NF1: variants seen among roughly 807,000 people sequenced by gnomAD.
The protein encoded by NF1 is neurofibromin.
Under a neutral mutation model 325.7 loss-of-function variants are expected in NF1, and 122 were observed. That is an observed-to-expected ratio of 0.37 (90% CI 0.32 to 0.44). NF1 has a LOEUF of 0.44. Among genes scored for constraint, NF1 ranks in the 20% least tolerant of loss-of-function variants. The pLI, the probability that NF1 is intolerant of heterozygous loss-of-function variation, is 1.00. For synonymous variants in NF1, 1,091 were observed against 1,186.0 expected, an observed-to-expected ratio of 0.92 and a Z score of 1.65; for missense variants, 2,140 against 3,415.4, an observed-to-expected ratio of 0.63 and a Z score of 9.31.
chr17:31,302,875 G>A (rs2068608311), intron 36 of NF1, among the ~76,000 whole-genome samples: 1 of 151,978 alleles, frequency 6.6e-6, no homozygotes, highest in South Asian at 2.1e-4. Context: ...AAGAATACAT[G>A]AAAGAAAATT....
At chr17:31,225,389 T>G (rs1362025997) in intron 17 of NF1, 139 bp downstream of exon 17, 20 of 951,022 alleles carry the variant, frequency 2.1e-5, no homozygotes, top group Admixed American at 2.1e-5. Flanking sequence ...CTGCTCTTTG[T>G]GGAACTTTGG....
intron 36 of NF1, among the ~76,000 whole-genome samples, chr17:31,284,168 C>G (rs1486008359): frequency 1.3e-5 from 2 of 152,216 alleles, no homozygotes; most frequent in Non-Finnish European, 2.9e-5. Flanking sequence ...GTGGCATGAT[C>G]TCTGCTCACT....
chr17:31,346,859 A>C (rs1183020321), intron 48 of NF1, among the ~76,000 whole-genome samples: 1 of 103,264 alleles, frequency 9.7e-6, no homozygotes, highest in Non-Finnish European at 1.9e-5. Context: ...TTTCACTCTT[A>C]GGCTTTTAAA....
intron 36 of NF1, chr17:31,318,667 CT>C: frequency 6.2e-7 from 1 of 1,614,070 alleles, no homozygotes; most frequent in Non-Finnish European, 8.5e-7. Flanking sequence ...TTCACCATGA[CT>C]TTTGCTTGTG....
chr17:31,360,445 T>TA (rs528599051), intron 56 of NF1, 42 bp from the exon 57 acceptor site: 64 of 1,569,602 alleles, frequency 4.1e-5, no homozygotes, highest in Middle Eastern at 1.7e-4. Flanking sequence ...GGGATTTACT[T>TA]AAAAAAAAGG....
In NF1 at chr17:31,249,119, G is replaced by A. The variant is rs1135402854; in HGVS notation, c.4110G>A (p.Gln1370=). The A allele has an allele frequency of 6.2e-7, 1 of 1,613,806 alleles. No homozygotes were observed. The highest frequency in any genetic ancestry group is 1.7e-5 in the Admixed American group (1 of 60,004). ...GAAGTGTGTGCCACTGTTTATACCA[G>A]GTATGCTTACAGTTAGAGATTACCA... ...QLRSVCHCLY[Q]ATCHSLLNKA... The change falls in exon 30 of 58, where the codon CAG becomes CAA. Residue 1370 remains glutamine, a splice_region_variant and synonymous_variant. Transcript: ENST00000358273.
Position 31,375,427 on chromosome 17 carries a change from G to A in NF1, c.*1272G>A, listed in dbSNP as rs1394183997. 2 of 231,530 alleles carry A rather than the reference G, an allele frequency of 8.6e-6. No homozygotes were observed. The highest frequency in any genetic ancestry group is 4.4e-5 in the African/African-American group (2 of 45,216). The allele number at this position is 231,530 out of a possible 1,614,324, so 14.3% of individuals were successfully genotyped here. A position where few individuals can be genotyped will look rare whatever the true frequency, so the allele number is the denominator to read the frequency against. ...AGAATTGCTGCTATACTGGTGGTAT[G>A]GATTATCATGGCATTGGAATTTTCA... On this transcript the variant is annotated 3_prime_UTR_variant, in exon 58 of 58. Transcript: ENST00000358273.
At chr17:31,291,174 T>C (rs188156114) in intron 36 of NF1, among the ~76,000 whole-genome samples, 36 of 152,304 alleles carry the variant, frequency 2.4e-4, no homozygotes, top group Middle Eastern at 3.4e-3. Flanking sequence ...CTGGAAATAA[T>C]TGCAACGTAA....
chr17:31,216,972 T>C (rs1049890091), intron 13 of NF1, among the ~76,000 whole-genome samples: 2 of 152,200 alleles, frequency 1.3e-5, no homozygotes, highest in Admixed American at 1.3e-4. Context: ...TTTTCCATGT[T>C]ATAGGCTGTC....
intron 48 of NF1, 69 bp downstream of exon 48, chr17:31,343,204 G>T: frequency 7.1e-7 from 1 of 1,403,438 alleles, no homozygotes; most frequent in South Asian, 1.2e-5. Flanking sequence ...TTGAATAAGT[G>T]ATTACTTGAA....
chr17:31,354,498 C>T (rs1287911291), intron 51 of NF1, among the ~76,000 whole-genome samples: 2 of 152,146 alleles, frequency 1.3e-5, no homozygotes, highest in African/African-American at 4.8e-5. Flanking sequence ...AAGATATTTA[C>T]CCTTATCACA....
intron 1 of NF1, among the ~76,000 whole-genome samples, chr17:31,112,838 C>A (rs1476238307): frequency 6.6e-6 from 1 of 152,086 alleles, no homozygotes; most frequent in African/African-American, 2.4e-5. Context: ...AATATAAGGT[C>A]ACAAATTTTT....
At chr17:31,134,020 TG>T (rs1246555758) in intron 1 of NF1, among the ~76,000 whole-genome samples, 1 of 152,162 alleles carries the variant, frequency 6.6e-6, no homozygotes, top group African/African-American at 2.4e-5. Flanking sequence ...TATGACTTTT[TG>T]GTTTTTTTTT....
At chr17:31,255,309 T>G (rs745400034) in intron 31 of NF1, among the ~76,000 whole-genome samples, 7 of 152,156 alleles carry the variant, frequency 4.6e-5, no homozygotes, top group Non-Finnish European at 7.4e-5. Context: ...GTTTGACCTT[T>G]TATGCAGAAT....
At chr17:31,227,358 A>G (rs756777095) in intron 19 of NF1, 67 bp downstream of exon 19, 10 of 1,535,686 alleles carry the variant, frequency 6.5e-6, no homozygotes, top group South Asian at 1.1e-5. Context: ...CTCTTGTTAC[A>G]TATGTGTGAT....
At chr17:31,318,094 G>T in intron 36 of NF1, 1 of 522,082 alleles carries the variant, frequency 1.9e-6, no homozygotes. Context: ...TTTATTATTT[G>T]CTTTTTAAAA....
intron 3 of NF1, among the ~76,000 whole-genome samples, chr17:31,160,498 CA>C (rs2065744016): frequency 6.6e-6 from 1 of 152,142 alleles, no homozygotes; most frequent in Non-Finnish European, 1.5e-5. Flanking sequence ...GTTGTTTTAG[CA>C]TGGTATTTTC....
intron 1 of NF1, among the ~76,000 whole-genome samples, chr17:31,115,163 T>G (rs1398580079): frequency 6.6e-6 from 1 of 152,144 alleles, no homozygotes; most frequent in Non-Finnish European, 1.5e-5. Flanking sequence ...CTGGAGACAT[T>G]TTTAATTGTT....
chr17:31,116,921 C>A (rs919623207), intron 1 of NF1, among the ~76,000 whole-genome samples: 13 of 151,830 alleles, frequency 8.6e-5, no homozygotes, highest in African/African-American at 2.2e-4. Flanking sequence ...TCGTGATTCA[C>A]CTTCCTCGGC....
Sources: gnomAD v4.1 joint callset for allele counts (sites outside exome capture counted in the v4.1 genomes callset) on GRCh38, gnomAD v4.1.1 for gene constraint, MANE v1.5 for transcripts, NCBI Gene and HGNC (gene_info 2026-07-23, HGNC 2026-07-21) for gene names.